The following FHIT variants were observed in gnomAD, a reference collection of about 807,000 sequenced individuals.
The protein encoded by FHIT is fragile histidine triad diadenosine triphosphatase.
A neutral mutation model predicts 17.9 loss-of-function variants in FHIT; 19 were observed. The observed-to-expected ratio is 1.06, with a 90% CI of 0.74 to 1.56. The LOEUF is 1.56. Among genes scored for constraint, FHIT ranks in the 40% most tolerant of loss-of-function variants. FHIT has a pLI of 0.00. For missense variants in FHIT, 248 were observed against 189.2 expected (o/e 1.31, Z -1.82); for synonymous variants, 81 against 69.7 (o/e 1.16, Z -0.81).
At chr3:60,395,679 T>C (rs566969376) in intron 5 of FHIT, among the ~76,000 whole-genome samples, 1 of 152,146 alleles carries the variant, frequency 6.6e-6, no homozygotes, top group Non-Finnish European at 1.5e-5. Flanking sequence ...AGGAGTTACA[T>C]TTGATCAGTC....
chr3:60,059,590 A>G (rs993533654), intron 5 of FHIT, among the ~76,000 whole-genome samples: 1 of 152,084 alleles, frequency 6.6e-6, no homozygotes, highest in African/African-American at 2.4e-5. Context: ...CCTGCTCTAA[A>G]ACTTGTCTCA....
intron 4 of FHIT, among the ~76,000 whole-genome samples, chr3:60,748,495 G>A (rs1389053245): frequency 6.6e-6 from 1 of 152,080 alleles, no homozygotes. Context: ...AATATAACCT[G>A]TACACATCCT....
At chr3:61,224,796 A>G (rs28738855) in intron 1 of FHIT, among the ~76,000 whole-genome samples, 37,141 of 152,076 alleles carry the variant, frequency 0.24, 6,785 homozygotes, top group African/African-American at 0.51. Flanking sequence ...CTAATTTAGA[A>G]TCAATAATGT....
chr3:59,875,064 C>CT (rs1703091502), intron 8 of FHIT, among the ~76,000 whole-genome samples: 1 of 152,182 alleles, frequency 6.6e-6, no homozygotes, highest in Admixed American at 6.5e-5. Flanking sequence ...TTTTAGTTAC[C>CT]TCTGGAGATA....
intron 3 of FHIT, among the ~76,000 whole-genome samples, chr3:60,963,849 G>C (rs577735073): frequency 6.6e-6 from 1 of 152,080 alleles, no homozygotes; most frequent in Admixed American, 6.6e-5. Context: ...CTTTACTTCC[G>C]ACTATGTGGT....
chr3:60,017,280 A>T (rs927283304), intron 5 of FHIT, among the ~76,000 whole-genome samples: 1 of 152,214 alleles, frequency 6.6e-6, no homozygotes, highest in East Asian at 1.9e-4. Context: ...CTACAATCCC[A>T]CAATGAAAGG....
At chr3:60,411,433 G>A (rs1576614306) in intron 5 of FHIT, among the ~76,000 whole-genome samples, 2 of 152,134 alleles carry the variant, frequency 1.3e-5, no homozygotes, top group East Asian at 3.9e-4. Context: ...TACATTAGGG[G>A]AGAACAGACT....
chr3:60,871,049 T>C (rs1187356680), intron 3 of FHIT, among the ~76,000 whole-genome samples: 1 of 152,088 alleles, frequency 6.6e-6, no homozygotes, highest in South Asian at 2.1e-4. Context: ...GAGAACATGA[T>C]TTTTAGGAAG....
intron 5 of FHIT, among the ~76,000 whole-genome samples, chr3:60,349,505 A>G (rs774374428): frequency 7.2e-5 from 11 of 152,218 alleles, no homozygotes; most frequent in Admixed American, 2.6e-4. Flanking sequence ...AATCCCTACA[A>G]TTAAGGAGTT....
At chr3:60,003,578 C>G (rs930332406) in intron 7 of FHIT, among the ~76,000 whole-genome samples, 20 of 152,104 alleles carry the variant, frequency 1.3e-4, no homozygotes, top group African/African-American at 4.8e-4. Context: ...AACCTCATCT[C>G]TATTAAAAAT....
chr3:59,788,734 A>C (rs1013413630), intron 8 of FHIT, among the ~76,000 whole-genome samples: 1 of 152,100 alleles, frequency 6.6e-6, no homozygotes, highest in African/African-American at 2.4e-5. Context: ...AAGAATTTGC[A>C]CATTAACCTG....
chr3:60,428,284 G>T (rs1702750326), intron 5 of FHIT, among the ~76,000 whole-genome samples: 1 of 152,054 alleles, frequency 6.6e-6, no homozygotes, highest in African/African-American at 2.4e-5. Flanking sequence ...TATCTCACAG[G>T]GCTATTGTAT....
At chr3:60,103,098 G>C (rs1704262021) in intron 5 of FHIT, among the ~76,000 whole-genome samples, 1 of 152,158 alleles carries the variant, frequency 6.6e-6, no homozygotes, top group Non-Finnish European at 1.5e-5. Context: ...CTTACTGCTT[G>C]ACCCAGCTCC....
chr3:60,208,374 C>T (rs540907457), intron 5 of FHIT, among the ~76,000 whole-genome samples: 79 of 144,128 alleles, frequency 5.5e-4, no homozygotes, highest in African/African-American at 1.7e-3. Context: ...AAATCACCTC[C>T]CCCCAAATTG....
intron 3 of FHIT, among the ~76,000 whole-genome samples, chr3:60,963,061 G>A (rs1361911913): frequency 1.3e-5 from 2 of 152,276 alleles, no homozygotes; most frequent in South Asian, 2.1e-4. Flanking sequence ...TCTGGTCCTG[G>A]ACTTTTTTTG....
chr3:60,132,475 A>C (rs1299815725), intron 5 of FHIT, among the ~76,000 whole-genome samples: 1 of 152,212 alleles, frequency 6.6e-6, no homozygotes, highest in African/African-American at 2.4e-5. Flanking sequence ...AGCAAAAGTT[A>C]ATGGTATTGG....
intron 3 of FHIT, among the ~76,000 whole-genome samples, chr3:60,851,974 C>T (rs1195558337): frequency 1.3e-5 from 2 of 152,128 alleles, no homozygotes; most frequent in Non-Finnish European, 2.9e-5. Context: ...TTGACTGGGC[C>T]ATGAGGTGCC....
At chr3:60,291,536 C>A (rs1707984248) in intron 5 of FHIT, among the ~76,000 whole-genome samples, 1 of 152,174 alleles carries the variant, frequency 6.6e-6, no homozygotes, top group East Asian at 1.9e-4. Flanking sequence ...CAGCTGCCAG[C>A]ATTCCCCTGT....
At chr3:60,564,807 T>A (rs527333273) in intron 4 of FHIT, among the ~76,000 whole-genome samples, 22 of 152,256 alleles carry the variant, frequency 1.4e-4, no homozygotes, top group African/African-American at 4.6e-4. Flanking sequence ...GATGTGAACA[T>A]TGTCGAAATG....
Sources: allele counts gnomAD v4.1 joint callset (sites outside exome capture counted in the v4.1 genomes callset), GRCh38; gene constraint gnomAD v4.1.1; transcripts MANE v1.5; gene names NCBI Gene and HGNC (gene_info 2026-07-23, HGNC 2026-07-21).